The following CACNA1S variants were observed in gnomAD, a reference collection of about 807,000 sequenced individuals.
CACNA1S encodes the protein voltage-dependent L-type calcium channel subunit alpha-1S.
CACNA1S carries 126 observed loss-of-function variants against 207.4 expected under a neutral mutation model. The observed-to-expected ratio is 0.61, with a 90% CI of 0.53 to 0.70. The LOEUF (loss-of-function observed/expected upper bound fraction) is 0.70, where lower values mean the gene tolerates loss of function less well. CACNA1S is among the 30% of genes least tolerant of loss of function. CACNA1S has a pLI of 0.00. For synonymous variants in CACNA1S, 960 were observed against 932.7 expected, an observed-to-expected ratio of 1.03 and a Z score of -0.53; for missense variants, 2,349 against 2,422.8, an observed-to-expected ratio of 0.97 and a Z score of 0.64.
intron 27 of CACNA1S, 27 bp downstream of exon 27, chr1:201,059,162 A>G (rs559343533): frequency 1.4e-6 from 2 of 1,461,972 alleles, no homozygotes; most frequent in South Asian, 1.1e-5. Flanking sequence ...CCAGCTTCTC[A>G]TCTGGCCCGG....
Position 201,053,443 on chromosome 1 carries a change from A to G in CACNA1S, c.3795+16T>C, listed in dbSNP as rs746134420. 2 of 1,614,064 alleles carry G rather than the reference A, an allele frequency of 1.2e-6. No individual in the cohort carries two copies. The highest frequency in any genetic ancestry group is 1.7e-6 in the Non-Finnish European group (2 of 1,179,982). On this transcript the variant is annotated intron_variant, in intron 30 of 43. Transcript: ENST00000362061. The surrounding 1 kb of genome is among the most constrained non-coding windows in gnomAD (Gnocchi z 5.1). ...GCCTCCCCAGGTACGTGCAGTTTCCAGGGTCCCTGTTGCACCTGGAAGGAC... is the reference window on the plus strand; with the variant it reads ...GCCTCCCCAGGTACGTGCAGTTTCCGGGGTCCCTGTTGCACCTGGAAGGAC...
At chr1:201,044,306 G>A (rs1302592197) in intron 39 of CACNA1S, 22 bp downstream of exon 39, 1 of 1,612,434 alleles carries the variant, frequency 6.2e-7, no homozygotes, top group Non-Finnish European at 8.5e-7. Context: ...GACCACTAGG[G>A]GTGCTCCTGG....
chr1:201,091,784 C>G lies in CACNA1S; in HGVS notation c.550G>C (p.Val184Leu). ...GCCTTGAAGATGGAGTTCAGGACCA[C>G]CTGCAGGCCTGCAGAGGCAGGCAGG... The part of the protein sequence containing the change: ...RLVSGVPSLQ[V>L]VLNSIFKAML... Residue 184 changes from valine to leucine, a missense_variant, in exon 5 of 44, where the codon GTG (valine) becomes CTG (leucine). Coordinates refer to ENST00000362061, the MANE Select transcript of CACNA1S (RefSeq NM_000069.3). The G allele has an allele frequency of 6.2e-7, 1 of 1,613,554 alleles. No homozygotes were observed. The highest frequency in any genetic ancestry group is 8.5e-7 in the Non-Finnish European group (1 of 1,179,662).
At chr1:201,058,575 C>A in intron 27 of CACNA1S, 84 bp from the exon 28 acceptor site, 2 of 1,119,286 alleles carry the variant, frequency 1.8e-6, no homozygotes, top group Non-Finnish European at 1.4e-6. Context: ...AGTGTCCCAC[C>A]CGAGCTAATG....
chr1:201,103,147 G>T (rs1662740434), intron 2 of CACNA1S, among the ~76,000 whole-genome samples: 1 of 151,726 alleles, frequency 6.6e-6, no homozygotes, highest in African/African-American at 2.4e-5. Context: ...GCGGGAGGCT[G>T]AGACAGGAGA....
At chr1:201,082,061 G>A (rs558927633) in intron 10 of CACNA1S, among the ~76,000 whole-genome samples, 8 of 131,538 alleles carry the variant, frequency 6.1e-5, no homozygotes, top group South Asian at 2.4e-4. Context: ...ACAGAGTCTC[G>A]CTCTGTCACC....
rs1238187821 is a variant in CACNA1S, at chr1:201,048,564, A to G, written c.4441+18T>C. On this transcript the variant is annotated intron_variant, in intron 36 of 43. Transcript: ENST00000362061. The stretch of plus-strand genomic sequence containing the variant: ...CTCTGGGAGAAAGGAGGGGGCTCAC[A>G]TTGGAAGGCACTCTCACCTTCCGTC... The G allele has an allele frequency of 2.5e-6, 4 of 1,581,804 alleles. No homozygotes were observed. The East Asian group carries it at 8.9e-5, about 35-fold the overall frequency.
intron 33 of CACNA1S, 110 bp downstream of exon 33, chr1:201,050,874 G>C (rs1257826436): frequency 8.5e-7 from 1 of 1,169,850 alleles, no homozygotes; most frequent in Non-Finnish European, 1.3e-6. Flanking sequence ...CTGCGTCCCC[G>C]AGATGAATCC....
rs577022740 is a variant in CACNA1S at position 201,112,255 on chromosome 1, G to C, written c.85C>G (p.Arg29Gly). Reference sequence around the variant, plus strand: ...TCCAGGGTCAGGCAGAACAAGGCCCGGGGTGGCCTTGGCAGAATCTCAGGA... The same window carrying C: ...TCCAGGGTCAGGCAGAACAAGGCCCCGGGTGGCCTTGGCAGAATCTCAGGA... ...PVPEILPRPP[R>G]ALFCLTLENP... is the part of the protein sequence containing the mutation. Residue 29 changes from arginine (R) to glycine (G), a missense_variant, in exon 1 of 44, where the codon CGG (arginine) becomes GGG (glycine). By Grantham distance (125) the Arg-to-Gly change is moderately radical. Coordinates refer to ENST00000362061, the MANE Select transcript of CACNA1S (RefSeq NM_000069.3). 1 of 1,613,892 alleles carries C rather than the reference G, an allele frequency of 6.2e-7. No individual in the cohort carries two copies. Among genetic ancestry groups the C allele is most frequent in the Non-Finnish European group, 8.5e-7 (1 of 1,179,924 alleles).
At chr1:201,089,108 T>A in intron 6 of CACNA1S, 150 bp downstream of exon 6, 2 of 740,888 alleles carry the variant, frequency 2.7e-6, no homozygotes, top group Non-Finnish European at 4.8e-6. Flanking sequence ...ACACATCCTG[T>A]ATAGATTCCC....
At position 201,040,695 on chromosome 1, in the gene CACNA1S, C is replaced by T; in HGVS notation, c.5153G>A (p.Cys1718Tyr). 6.2e-7 allele frequency: 1 copy of T among 1,614,002 alleles called. No individual in the cohort carries two copies. Among genetic ancestry groups the T allele is most frequent in the Non-Finnish European group, 8.5e-7 (1 of 1,179,954 alleles). The change falls in exon 42 of 44, where the codon TGT (cysteine) becomes TAT (tyrosine). Residue 1718 changes from cysteine (C) to tyrosine (Y), a missense_variant. Coordinates refer to ENST00000362061, the MANE Select transcript of CACNA1S (RefSeq NM_000069.3). ...CRVLGPHSKP[C>Y]VEMLKGLLTQ... ...CAGCAGTCCCTTCAGCATCTCCACA[C>T]AGGGTTTGCTGTGGGGTCCTGTATG...
chr1:201,059,708 C>T (rs1419566287), intron 26 of CACNA1S, among the ~76,000 whole-genome samples: 1 of 152,162 alleles, frequency 6.6e-6, no homozygotes, highest in Non-Finnish European at 1.5e-5. Flanking sequence ...AAGAAGACCC[C>T]TGGATTCCAT....
rs1660060487 is a variant in CACNA1S at position 201,039,896 on chromosome 1, A to G, written c.5557T>C (p.Ser1853Pro). 3.7e-6 allele frequency: 6 copies of G among 1,613,204 alleles called. No individual in the cohort carries two copies. Among genetic ancestry groups the G allele is most frequent in the Non-Finnish European group, 4.2e-6 (5 of 1,180,018 alleles). The change falls in exon 44 of 44, where the codon TCC (serine) becomes CCC (proline). Residue 1853 changes from serine to proline, a missense_variant. Ser to Pro is a moderately conservative substitution (Grantham distance 74, BLOSUM62 -1). Coordinates refer to ENST00000362061, the MANE Select transcript of CACNA1S (RefSeq NM_000069.3). ...ASSLGCLNLG[S>P]SLGSLDQHQG... ...TGTTGGTCGAGGCTGCCCAGGGAGGACCCGAGGTTCAGGCATCCCAGGGAG... is the reference window on the plus strand; with the variant it reads ...TGTTGGTCGAGGCTGCCCAGGGAGGGCCCGAGGTTCAGGCATCCCAGGGAG...
chr1:201,077,671 GA>G (rs1040500051), intron 11 of CACNA1S, among the ~76,000 whole-genome samples: 1 of 151,958 alleles, frequency 6.6e-6, no homozygotes. Flanking sequence ...ACTATGGTAA[GA>G]AAAAAAACAG....
chr1:201,086,528 A>C (rs1229576241), intron 7 of CACNA1S, among the ~76,000 whole-genome samples: 1 of 152,246 alleles, frequency 6.6e-6, no homozygotes, highest in Non-Finnish European at 1.5e-5. Context: ...ACAAACCTGG[A>C]CAGCGTGTTA....
In CACNA1S at chr1:201,040,081, G is replaced by A; in HGVS notation, c.5372C>T (p.Ala1791Val). ...APATALLIQK[A>V]LVRGGLGTLA... ...GGTGCCCAGGCCCCCTCGAACCAGAGCCTGCAGGGAGGAGAGTAGGCTGAG... is the reference window on the plus strand; with the variant it reads ...GGTGCCCAGGCCCCCTCGAACCAGAACCTGCAGGGAGGAGAGTAGGCTGAG... Residue 1791 changes from alanine (A) to valine (V), a missense_variant and splice_region_variant, in exon 44 of 44, where the codon GCT (alanine) becomes GTT (valine). Transcript: ENST00000362061. The A allele has an allele frequency of 6.2e-7, 1 of 1,614,208 alleles. No homozygotes were observed. The highest frequency in any genetic ancestry group is 8.5e-7 in the Non-Finnish European group (1 of 1,180,022).
At chr1:201,084,738 G>C (rs1018312063) in intron 9 of CACNA1S, among the ~76,000 whole-genome samples, 1 of 152,194 alleles carries the variant, frequency 6.6e-6, no homozygotes, top group African/African-American at 2.4e-5. Flanking sequence ...TAGGTCATCT[G>C]CTCAGGACCC....
chr1:201,098,356 A>T (rs1662515744), intron 2 of CACNA1S, among the ~76,000 whole-genome samples: 2 of 152,228 alleles, frequency 1.3e-5, no homozygotes, highest in African/African-American at 4.8e-5. Flanking sequence ...ATCTGCAGCC[A>T]CTTCCATGCA....
intron 35 of CACNA1S, 44 bp from the exon 36 acceptor site, chr1:201,048,728 G>A (rs1432271758): frequency 6.5e-7 from 1 of 1,547,414 alleles, no homozygotes; most frequent in Non-Finnish European, 8.9e-7. Context: ...CTGGGACCAG[G>A]CCAAGCTTGG....
Sources: gnomAD v4.1 joint callset for allele counts (sites outside exome capture counted in the v4.1 genomes callset) on GRCh38, gnomAD v4.1.1 for gene constraint, Gnocchi (gnomAD v3.1) non-coding constraint, MANE v1.5 for transcripts, NCBI Gene and HGNC (gene_info 2026-07-23, HGNC 2026-07-21) for gene names.